The following SHC4 variants were observed in gnomAD, a reference collection of about 807,000 sequenced individuals.
SHC4 encodes SHC adaptor protein 4, also known as SHC-transforming protein 4.
SHC4 carries 41 observed loss-of-function variants against 69.4 expected under a neutral mutation model. The observed-to-expected ratio is 0.59, with a 90% CI of 0.46 to 0.77. The LOEUF (loss-of-function observed/expected upper bound fraction) is 0.77. Among genes scored for constraint, SHC4 ranks in the 30% least tolerant of loss-of-function variants. SHC4 has a pLI of 0.00. For synonymous variants in SHC4, 318 were observed against 299.3 expected (o/e 1.06, Z -0.64); for missense variants, 777 against 783.8 (o/e 0.99, Z 0.10).
intron 2 of SHC4, among the ~76,000 whole-genome samples, chr15:48,912,953 T>C (rs531045380): frequency 1.3e-5 from 2 of 148,856 alleles, no homozygotes; most frequent in South Asian, 2.2e-4. Context: ...TCTATGGGTC[T>C]CTCAGCTGTG....
At chr15:48,946,940 A>C (rs535844229) in intron 1 of SHC4, among the ~76,000 whole-genome samples, 1 of 152,240 alleles carries the variant, frequency 6.6e-6, no homozygotes, top group Non-Finnish European at 1.5e-5. Context: ...GACACTTGAC[A>C]TAACTTAGAC....
At chr15:48,928,080 G>A (rs914844806) in intron 1 of SHC4, among the ~76,000 whole-genome samples, 11 of 152,262 alleles carry the variant, frequency 7.2e-5, no homozygotes, top group Admixed American at 2.6e-4. Context: ...AGGGCGAGCC[G>A]AGGGACGGAG....
At position 48,963,200 on chromosome 15, in the gene SHC4, C is replaced by A; in HGVS notation, c.-185G>T. ...TAAGGGTGACAGCCCATGGGGGAAACGCCTCCCCTGCTCTGATTTCAGTCT... is the reference window on the plus strand; with the variant it reads ...TAAGGGTGACAGCCCATGGGGGAAAAGCCTCCCCTGCTCTGATTTCAGTCT... On this transcript the variant is annotated 5_prime_UTR_variant, in exon 1 of 12. Transcript: ENST00000332408. 1.7e-6 allele frequency: 1 copy of A among 597,356 alleles called. No individual in the cohort carries two copies. The highest frequency in any genetic ancestry group is 2.2e-5 in the South Asian group (1 of 45,966). 37.0% of individuals were successfully genotyped at this position (597,356 alleles called of 1,614,324 possible).
chr15:48,910,083 A>AAGGTATGCT (rs148775372), intron 2 of SHC4, among the ~76,000 whole-genome samples: 5,566 of 152,058 alleles, frequency 0.037, 234 homozygotes, highest in East Asian at 0.22. Context: ...ATGAATTAAC[A>AAGGTATGCT]AGGTATGCTT....
intron 2 of SHC4, 28 bp from the exon 3 acceptor site, chr15:48,890,839 G>C (rs748603469): frequency 1.2e-6 from 2 of 1,611,572 alleles, no homozygotes; most frequent in Non-Finnish European, 1.7e-6. Flanking sequence ...TATAAATAAA[G>C]ACTTAGCATA....
At chr15:48,893,512 G>A (rs1900169768) in intron 2 of SHC4, among the ~76,000 whole-genome samples, 1 of 152,110 alleles carries the variant, frequency 6.6e-6, no homozygotes, top group Non-Finnish European at 1.5e-5. Flanking sequence ...GAAACTGAAG[G>A]CTGGCCAGAT....
chr15:48,831,805 A>G (rs1329974526), intron 11 of SHC4, among the ~76,000 whole-genome samples: 2 of 152,192 alleles, frequency 1.3e-5, no homozygotes, highest in African/African-American at 4.8e-5. Context: ...GTTTTTCTAT[A>G]TATTTACCTT....
chr15:48,934,047 G>A (rs760469937), intron 1 of SHC4, among the ~76,000 whole-genome samples: 6 of 152,130 alleles, frequency 3.9e-5, no homozygotes, highest in East Asian at 1.9e-4. Flanking sequence ...ATATGACACC[G>A]AAAGCACCAG....
intron 4 of SHC4, among the ~76,000 whole-genome samples, chr15:48,873,778 A>T (rs1899741827): frequency 6.6e-6 from 1 of 152,178 alleles, no homozygotes; most frequent in African/African-American, 2.4e-5. Flanking sequence ...TAGACACTGT[A>T]TTTTGGGGAG....
intron 2 of SHC4, among the ~76,000 whole-genome samples, chr15:48,920,875 G>T (rs1299430200): frequency 6.6e-6 from 1 of 151,240 alleles, no homozygotes; most frequent in African/African-American, 2.4e-5. Context: ...CATGAGCCCA[G>T]AAGTTAAGAT....
chr15:48,952,495 C>A (rs968130602), intron 1 of SHC4, among the ~76,000 whole-genome samples: 1 of 152,144 alleles, frequency 6.6e-6, no homozygotes, highest in Non-Finnish European at 1.5e-5. Context: ...AGTAAACAGA[C>A]AACCTACAGA....
At chr15:48,869,537 C>A (rs534389084) in intron 5 of SHC4, among the ~76,000 whole-genome samples, 1 of 152,212 alleles carries the variant, frequency 6.6e-6, no homozygotes, top group African/African-American at 2.4e-5. Flanking sequence ...CCAGGACCTG[C>A]GCTAACACTA....
intron 4 of SHC4, chr15:48,878,795 T>C: frequency 6.6e-7 from 1 of 1,510,686 alleles, no homozygotes; most frequent in Non-Finnish European, 9.0e-7. Flanking sequence ...AACTTTCCGC[T>C]ATCTTTTGGG....
intron 2 of SHC4, among the ~76,000 whole-genome samples, chr15:48,920,791 A>G (rs1900738229): frequency 6.6e-6 from 1 of 152,156 alleles, no homozygotes. Context: ...ATAATGATGA[A>G]AAATAGAAGA....
chr15:48,849,687 T>C (rs1336656309), intron 9 of SHC4, among the ~76,000 whole-genome samples: 2 of 152,196 alleles, frequency 1.3e-5, no homozygotes. Flanking sequence ...GGTACGTTCC[T>C]GACTATTAAA....
chr15:48,879,108 A>G (rs982257248), intron 4 of SHC4: 4 of 191,622 alleles, frequency 2.1e-5, no homozygotes, highest in Non-Finnish European at 4.9e-5. Flanking sequence ...AACTGCCAAT[A>G]CAAAAGCCCA....
chr15:48,879,615 A>G (rs1899900822), intron 4 of SHC4: 1 of 167,112 alleles, frequency 6.0e-6, no homozygotes, highest in Non-Finnish European at 1.5e-5. Context: ...AACTGTTAAT[A>G]AAAGTTGTCA....
Position 48,962,709 on chromosome 15 carries a change from T to C in SHC4, c.307A>G (p.Ser103Gly). The change falls in exon 1 of 12, where the codon AGT (serine) becomes GGT (glycine). Residue 103 changes from serine (S) to glycine (G), a missense_variant. Coordinates refer to ENST00000332408, the MANE Select transcript of SHC4 (RefSeq NM_203349.4). ...GTACCCAGGCAAAAGTTTTTCAGAC[T>C]CAGCAAAGTGGCCGGGTTGGCCAGC... ...MKLANPATLL[S>G]LKNFCLGTKE... The C allele has an allele frequency of 1.2e-6, 2 of 1,614,018 alleles. No homozygotes were observed. The highest frequency in any genetic ancestry group is 1.3e-5 in the African/African-American group (1 of 75,024).
At chr15:48,927,528 G>T in intron 1 of SHC4, among the ~76,000 whole-genome samples, 1 of 152,136 alleles carries the variant, frequency 6.6e-6, no homozygotes, top group East Asian at 1.9e-4. Flanking sequence ...CTTTATATCA[G>T]ATCGTGTTCC....
Sources: gnomAD v4.1 joint callset for allele counts (sites outside exome capture counted in the v4.1 genomes callset) on GRCh38, gnomAD v4.1.1 for gene constraint, MANE v1.5 for transcripts, NCBI Gene and HGNC (gene_info 2026-07-23, HGNC 2026-07-21) for gene names.